SPATA7: variants seen among roughly 807,000 people sequenced by gnomAD.
SPATA7 encodes spermatogenesis associated 7.
A neutral mutation model predicts 51.8 loss-of-function variants in SPATA7; 43 were observed. The ratio of observed to expected loss-of-function variants is 0.83; its 90% CI spans 0.65 to 1.07. The LOEUF is 1.07. Among genes scored for constraint, SPATA7 ranks in the 50% least tolerant of loss-of-function variants. The probability of loss-of-function intolerance (pLI) is 0.00; values close to 1 mark genes in which losing one functional copy is unlikely to be tolerated. For synonymous variants in SPATA7, 230 were observed against 252.8 expected (o/e 0.91, Z 0.86); for missense variants, 683 against 701.3 (o/e 0.97, Z 0.30).
intron 3 of SPATA7, among the ~76,000 whole-genome samples, chr14:88,453,980 C>T (rs1330996436): frequency 6.6e-6 from 1 of 152,194 alleles, no homozygotes; most frequent in African/African-American, 2.4e-5. Context: ...CAAAAACACA[C>T]ACCTAGCAGT....
chr14:88,396,037 C>T, intron 3 of SPATA7, 119 bp from the exon 4 acceptor site: 1 of 774,366 alleles, frequency 1.3e-6, no homozygotes, highest in Admixed American at 2.0e-5. Context: ...CTTGTGTTTT[C>T]CATCGCTAGA....
intron 5 of SPATA7, among the ~76,000 whole-genome samples, chr14:88,419,360 A>T (rs973182740): frequency 1.9e-4 from 29 of 150,674 alleles, no homozygotes; most frequent in Admixed American, 2.0e-4. Context: ...ATATTTTCTG[A>T]TAGTGATATA....
rs1397904176 is a variant in SPATA7, at chr14:88,427,630, C to A, written c.846C>A (p.Ser282Arg). ...AATTATTTATTTTAAATTATTACAGCTTTAAATCTGAGTTGGGGACAGCTG... is the reference window on the plus strand; with the variant it reads ...AATTATTTATTTTAAATTATTACAGATTTAAATCTGAGTTGGGGACAGCTG... Reference protein sequence around the residue: ...RIEAETQTELSFKSELGTAET... With the variant: ...RIEAETQTELRFKSELGTAET... The change falls in exon 7 of 12, where the codon AGC (serine) becomes AGA (arginine). Residue 282 changes from serine to arginine, a missense_variant and splice_region_variant. Physicochemically the swap from Ser to Arg is moderately radical, Grantham distance 110. Coordinates refer to ENST00000393545, the MANE Select transcript of SPATA7 (RefSeq NM_018418.5). 1.9e-6 allele frequency: 3 copies of A among 1,596,252 alleles called. No homozygotes were observed. The African/African-American group carries it at 4.0e-5, about 21-fold the overall frequency.
chr14:88,457,533 G>T (rs56369369), downstream of SPATA7, among the ~76,000 whole-genome samples: 5,771 of 152,080 alleles, frequency 0.038, 355 homozygotes, highest in African/African-American at 0.13. Flanking sequence ...GTTCGTCTGT[G>T]ATTTGTGTAT....
chr14:88,445,749 G>GT (rs1429815840), intron 3 of SPATA7, among the ~76,000 whole-genome samples: 3 of 152,150 alleles, frequency 2.0e-5, no homozygotes, highest in Admixed American at 6.5e-5. Context: ...ATAATCATGT[G>GT]TTTTTTGTCT....
chr14:88,444,908 T>A (rs2077201339), intron 3 of SPATA7, among the ~76,000 whole-genome samples: 2 of 152,198 alleles, frequency 1.3e-5, no homozygotes, highest in African/African-American at 4.8e-5. Flanking sequence ...TAGTATGAAG[T>A]CAGGTAGTGT....
intron 5 of SPATA7, among the ~76,000 whole-genome samples, chr14:88,421,098 G>A (rs1342253473): frequency 1.3e-5 from 2 of 152,052 alleles, no homozygotes; most frequent in East Asian, 3.9e-4. Context: ...TGGTGACAGA[G>A]CGAAACTCCG....
downstream of SPATA7, among the ~76,000 whole-genome samples, chr14:88,456,644 A>G (rs1457811693): frequency 7.4e-5 from 11 of 149,570 alleles, no homozygotes; most frequent in Non-Finnish European, 1.5e-4. Flanking sequence ...AGATGAGTAG[A>G]TTGCAAAAAT....
chr14:88,385,673 A>C lies in SPATA7; in HGVS notation c.-146A>C, dbSNP rs1441282508. 2 of 795,374 alleles carry C rather than the reference A, an allele frequency of 2.5e-6. No individual in the cohort carries two copies. The highest frequency in any genetic ancestry group is 5.3e-5 in the East Asian group (2 of 37,606). The allele number at this position is 795,374 out of a possible 1,614,324, so 49.3% of individuals were successfully genotyped here. ...TAGCGACTCACTGGACCCAGCCCTT[A>C]GCAACGGCCTGGCAACGGTTTCCCT... On this transcript the variant is annotated 5_prime_UTR_variant, in exon 1 of 12. Transcript: ENST00000393545.
chr14:88,437,826 T>C lies in SPATA7; in HGVS notation c.1216-12T>C. On this transcript the variant is annotated splice_polypyrimidine_tract_variant and intron_variant, in intron 11 of 11. Transcript: ENST00000393545. ...AATTAATGTAATTAGTCTCATCTTTTCTTAATCCTAGGAAAAAATGCGCCA... is the reference window on the plus strand; with the variant it reads ...AATTAATGTAATTAGTCTCATCTTTCCTTAATCCTAGGAAAAAATGCGCCA... The C allele has an allele frequency of 6.3e-7, 1 of 1,583,608 alleles. No homozygotes were observed. The highest frequency in any genetic ancestry group is 8.5e-7 in the Non-Finnish European group (1 of 1,169,824).
chr14:88,393,337 A>G, intron 2 of SPATA7, 56 bp from the exon 3 acceptor site: 1 of 1,199,574 alleles, frequency 8.3e-7, no homozygotes, highest in African/African-American at 1.5e-5. Flanking sequence ...TGCCTTGTTT[A>G]TCTCATGATT....
chr14:88,431,616 G>A (rs751657942), intron 9 of SPATA7, among the ~76,000 whole-genome samples: 13 of 151,908 alleles, frequency 8.6e-5, no homozygotes, highest in Admixed American at 1.3e-4. Context: ...CCTCATTCCC[G>A]TCTACCCTTC....
At chr14:88,444,732 T>C (rs891393688) in intron 3 of SPATA7, among the ~76,000 whole-genome samples, 18 of 152,156 alleles carry the variant, frequency 1.2e-4, no homozygotes, top group African/African-American at 4.3e-4. Flanking sequence ...CACCATTTAT[T>C]AAATAGGGAA....
At chr14:88,415,845 T>G (rs1412837071) in intron 4 of SPATA7, 3 of 152,192 alleles carry the variant, frequency 2.0e-5, no homozygotes, top group Admixed American at 1.3e-4. Flanking sequence ...TAACCCCTAG[T>G]GTTGGAGTTG....
At chr14:88,439,085 T>C (rs2077160390), downstream of SPATA7, among the ~76,000 whole-genome samples, 1 of 152,160 alleles carries the variant, frequency 6.6e-6, no homozygotes, top group Non-Finnish European at 1.5e-5. Flanking sequence ...GGAAAACATA[T>C]TTTACCTATA....
intron 7 of SPATA7, 192 bp downstream of exon 7, chr14:88,427,888 T>A (rs2076840519): frequency 2.0e-6 from 1 of 499,236 alleles, no homozygotes; most frequent in Non-Finnish European, 3.7e-6. Flanking sequence ...GCCAGGTGGA[T>A]CCTGCCAAAT....
At chr14:88,414,633 A>G (rs1344459242) in intron 4 of SPATA7, 2 of 382,716 alleles carry the variant, frequency 5.2e-6, no homozygotes, top group South Asian at 2.0e-5. Context: ...TCTAGTTGCA[A>G]TGTTAGATTA....
intron 4 of SPATA7, chr14:88,468,164 C>G: frequency 6.2e-7 from 1 of 1,613,916 alleles, no homozygotes; most frequent in Non-Finnish European, 8.5e-7. Context: ...TTTTCAGGAA[C>G]TGGATGAGGA....
chr14:88,469,458 C>A lies in SPATA7; in HGVS notation c.255-389C>A. 1 of 1,501,116 alleles carries A rather than the reference C, an allele frequency of 6.7e-7. No homozygotes were observed. The highest frequency in any genetic ancestry group is 9.3e-7 in the Non-Finnish European group (1 of 1,078,154). 93.0% of individuals were successfully genotyped at this position (1,501,116 alleles called of 1,614,324 possible). A position where few individuals can be genotyped will look rare whatever the true frequency, so the allele number is the denominator to read the frequency against. ...AAATGTTCCTCTCTGTTTAACACCTCCAGAGGCAGCTGTCCTCGGAACAAA... is the reference window on the plus strand; with the variant it reads ...AAATGTTCCTCTCTGTTTAACACCTACAGAGGCAGCTGTCCTCGGAACAAA... On this transcript the variant is annotated intron_variant, in intron 4 of 4. Coordinates refer to the SPATA7 transcript ENST00000556406. This position sits in a 1 kb window ranked among gnomAD's most constrained non-coding sequence, Gnocchi z 4.3.
Sources: allele counts gnomAD v4.1 joint callset (sites outside exome capture counted in the v4.1 genomes callset), GRCh38; gene constraint gnomAD v4.1.1; non-coding constraint Gnocchi (gnomAD v3.1); transcripts MANE v1.5; gene names NCBI Gene and HGNC (gene_info 2026-07-23, HGNC 2026-07-21).